GSG1L: variants seen among roughly 807,000 people sequenced by gnomAD.
GSG1L encodes the protein germ cell-specific gene 1-like protein.
A neutral mutation model predicts 42.1 loss-of-function variants in GSG1L; 24 were observed. That is an observed-to-expected ratio of 0.57 (90% CI 0.41 to 0.80). GSG1L has a LOEUF of 0.80. Ranked by LOEUF, GSG1L falls within the 30% of genes least tolerant of loss-of-function variation. The pLI, the probability that GSG1L is intolerant of heterozygous loss-of-function variation, is 0.00. For synonymous variants in GSG1L, 215 were observed against 203.5 expected (o/e 1.06, Z -0.48); for missense variants, 445 against 472.2 (o/e 0.94, Z 0.53).
chr16:27,955,740 C>A (rs2084994204), intron 2 of GSG1L, among the ~76,000 whole-genome samples: 1 of 152,032 alleles, frequency 6.6e-6, no homozygotes, highest in Non-Finnish European at 1.5e-5. Flanking sequence ...AAGAAGACTA[C>A]CTGGGATCCA....
chr16:28,051,050 T>C (rs2086217593), intron 1 of GSG1L, among the ~76,000 whole-genome samples: 1 of 152,196 alleles, frequency 6.6e-6, no homozygotes, highest in Non-Finnish European at 1.5e-5. Flanking sequence ...TACAGTCCCC[T>C]GCACCTAGAC....
At chr16:27,951,710 G>A (rs1175351985) in intron 2 of GSG1L, among the ~76,000 whole-genome samples, 2 of 152,194 alleles carry the variant, frequency 1.3e-5, no homozygotes, top group African/African-American at 4.8e-5. Flanking sequence ...CAGCTGTGGA[G>A]AGGGGCTCCC....
At chr16:28,017,991 G>T (rs574254538) in intron 1 of GSG1L, among the ~76,000 whole-genome samples, 1 of 152,270 alleles carries the variant, frequency 6.6e-6, no homozygotes, top group African/African-American at 2.4e-5. Flanking sequence ...AGACTATACA[G>T]ATATGTTTTA....
chr16:27,836,867 T>C (rs1174652568), intron 4 of GSG1L, among the ~76,000 whole-genome samples: 2 of 152,240 alleles, frequency 1.3e-5, no homozygotes, highest in Non-Finnish European at 2.9e-5. Context: ...TGCTGGTTCT[T>C]GGCATGGTAT....
intron 1 of GSG1L, among the ~76,000 whole-genome samples, chr16:27,995,158 C>T (rs1419746259): frequency 6.6e-6 from 1 of 152,204 alleles, no homozygotes; most frequent in African/African-American, 2.4e-5. Flanking sequence ...CCAGGGCTCT[C>T]CTCAGGGGAG....
chr16:27,914,450 G>C (rs1023826610), intron 2 of GSG1L, among the ~76,000 whole-genome samples: 2 of 152,092 alleles, frequency 1.3e-5, no homozygotes, highest in Admixed American at 6.6e-5. Flanking sequence ...TCAGTTTCCT[G>C]ATATGCAAAG....
chr16:27,875,288 G>C (rs1333701491), intron 3 of GSG1L, among the ~76,000 whole-genome samples: 3 of 152,060 alleles, frequency 2.0e-5, no homozygotes, highest in African/African-American at 7.3e-5. Flanking sequence ...AACAGTTTTG[G>C]GGTGTGCTCT....
At chr16:27,911,280 T>TCTCTCTCTC (rs1555507791) in intron 2 of GSG1L, among the ~76,000 whole-genome samples, 7 of 144,180 alleles carry the variant, frequency 4.9e-5, no homozygotes, top group South Asian at 4.6e-4. Flanking sequence ...TCTCTCTCTC[T>TCTCTCTCTC]CTCTCTCTCT....
chr16:27,865,512 T>G (rs1254440015), intron 3 of GSG1L, among the ~76,000 whole-genome samples: 1 of 123,448 alleles, frequency 8.1e-6, no homozygotes, highest in African/African-American at 3.0e-5. Context: ...TCTTTCTTTC[T>G]CTCTCTCTTT....
In GSG1L at chr16:27,791,436, G is replaced by C; in HGVS notation, c.930C>G (p.Pro310=). ...CTGGTGCTTCCTGTGCGGAGCTCCG[G>C]GGCCAGGAATCCGCCATGTGTGGCT... ...RHQPHMADSW[P]RSSAQEAPEL... The change falls in exon 7 of 7, where the codon CCC becomes CCG. Residue 310 remains proline (P), a synonymous_variant. Transcript: ENST00000447459. 6.6e-7 allele frequency: 1 copy of C among 1,518,456 alleles called. No individual in the cohort carries two copies. The highest frequency in any genetic ancestry group is 8.9e-7 in the Non-Finnish European group (1 of 1,127,178). 94.1% of individuals were successfully genotyped at this position (1,518,456 alleles called of 1,614,324 possible). A position where few individuals can be genotyped will look rare whatever the true frequency, so the allele number is the denominator to read the frequency against.
rs367924655 is a variant in GSG1L at position 27,972,058 on chromosome 16, CA to C, written c.350-8856del. On this transcript the variant is annotated intron_variant, in intron 1 of 6. Transcript: ENST00000447459. Reference sequence around the variant, plus strand: ...CAGCTCTCTGCTCCCATTGCTATGTCAGAATTTCCTACCAGAACCAGATGTT... The same window carrying C: ...CAGCTCTCTGCTCCCATTGCTATGTCGAATTTCCTACCAGAACCAGATGTT... 1.6e-4 allele frequency among the ~76,000 whole-genome samples: 24 copies of C among 152,348 alleles called. No individual in the cohort carries two copies. In the East Asian group the frequency reaches 3.9e-3, roughly 24 times the overall value.
At chr16:27,999,673 G>C (rs1039139358) in intron 1 of GSG1L, among the ~76,000 whole-genome samples, 2 of 152,136 alleles carry the variant, frequency 1.3e-5, no homozygotes, top group Non-Finnish European at 2.9e-5. Flanking sequence ...CCTCTCAAGG[G>C]AGTACTACTG....
At chr16:27,887,863 T>C (rs1184772779) in intron 2 of GSG1L, among the ~76,000 whole-genome samples, 1 of 152,168 alleles carries the variant, frequency 6.6e-6, no homozygotes. Context: ...TGGATTGTTG[T>C]AAGAGAATAA....
At chr16:27,932,316 G>A (rs111943190) in intron 2 of GSG1L, among the ~76,000 whole-genome samples, 1,645 of 152,298 alleles carry the variant, frequency 0.011, 31 homozygotes, top group African/African-American at 0.037. Context: ...GCCTCCCTAA[G>A]TGTTGGGATT....
At chr16:27,909,636 T>G (rs71389510) in intron 2 of GSG1L, among the ~76,000 whole-genome samples, 1 of 49,656 alleles carries the variant, frequency 2.0e-5, no homozygotes, top group Non-Finnish European at 5.1e-5. Flanking sequence ...TGCACCCAGC[T>G]TTTTTTTTTT....
At chr16:28,009,904 T>C (rs1002849334) in intron 1 of GSG1L, among the ~76,000 whole-genome samples, 5 of 152,222 alleles carry the variant, frequency 3.3e-5, no homozygotes, top group African/African-American at 1.2e-4. Flanking sequence ...CCAGAATTCC[T>C]CTTGAGGACA....
intron 2 of GSG1L, among the ~76,000 whole-genome samples, chr16:27,944,123 T>C (rs1341957196): frequency 6.6e-6 from 1 of 152,194 alleles, no homozygotes; most frequent in Non-Finnish European, 1.5e-5. Flanking sequence ...TCTGGGAGTC[T>C]GACAATGACC....
intron 1 of GSG1L, among the ~76,000 whole-genome samples, chr16:28,025,128 G>A (rs2085886021): frequency 6.6e-6 from 1 of 152,192 alleles, no homozygotes; most frequent in Non-Finnish European, 1.5e-5. Context: ...GATGCATCAT[G>A]GCTCAGCAGT....
At position 28,003,748 on chromosome 16, in the gene GSG1L, A is replaced by G. The variant is rs1048633323; in HGVS notation, c.350-40545T>C. ...TTTCCTCCATCCTGTCTCCATCTCA[A>G]TCCCCACCCCCAACCCAACCAGGGG... On this transcript the variant is annotated intron_variant, in intron 1 of 6. Coordinates refer to ENST00000447459, the MANE Select transcript of GSG1L (RefSeq NM_001109763.2). Among the ~76,000 whole-genome samples, 6 of 151,950 alleles carry G rather than the reference A, an allele frequency of 3.9e-5. No individual in the cohort carries two copies. In the East Asian group the frequency reaches 9.7e-4, roughly 25 times the overall value.
Sources: allele counts gnomAD v4.1 joint callset (sites outside exome capture counted in the v4.1 genomes callset), GRCh38; gene constraint gnomAD v4.1.1; transcripts MANE v1.5; gene names NCBI Gene and HGNC (gene_info 2026-07-23, HGNC 2026-07-21).